Variants in FRMD3 observed in about 807,000 individuals in gnomAD.
FRMD3 encodes the protein FERM domain containing 3, also known as FERM domain-containing protein 3.
FRMD3 carries 33 observed loss-of-function variants against 70.2 expected under a neutral mutation model. That is an observed-to-expected ratio of 0.47 (90% confidence interval 0.36 to 0.63). The LOEUF (loss-of-function observed/expected upper bound fraction) is 0.63. Among genes scored for constraint, FRMD3 ranks in the 20% least tolerant of loss-of-function variants. The pLI, the probability that FRMD3 is intolerant of heterozygous loss-of-function variation, is 0.00. For missense variants in FRMD3, 632 were observed against 711.4 expected, an observed-to-expected ratio of 0.89 and a Z score of 1.27; for synonymous variants, 279 against 255.9, an observed-to-expected ratio of 1.09 and a Z score of -0.86.
At chr9:83,529,707 T>C (rs996479482) in intron 1 of FRMD3, among the ~76,000 whole-genome samples, 1 of 152,098 alleles carries the variant, frequency 6.6e-6, no homozygotes, top group African/African-American at 2.4e-5. Context: ...GTAAAAGATA[T>C]CCCACAGAAT....
chr9:83,522,665 A>G (rs1017652076), intron 1 of FRMD3, among the ~76,000 whole-genome samples: 2 of 150,418 alleles, frequency 1.3e-5, no homozygotes, highest in African/African-American at 4.9e-5. Flanking sequence ...CCAGGTTCAC[A>G]CCATTCTCCT....
intron 13 of FRMD3, among the ~76,000 whole-genome samples, chr9:83,283,974 T>G (rs1025343474): frequency 6.6e-6 from 1 of 151,826 alleles, no homozygotes; most frequent in African/African-American, 2.4e-5. Flanking sequence ...GTATACTGGA[T>G]AACTGCAACT....
chr9:83,281,563 A>G (rs1833971817), intron 13 of FRMD3: 1 of 152,226 alleles, frequency 6.6e-6, no homozygotes, highest in African/African-American at 2.4e-5. Context: ...AACAGGAGGA[A>G]TGATTTGGGA....
intron 3 of FRMD3, among the ~76,000 whole-genome samples, chr9:83,366,141 C>T (rs981738341): frequency 1.3e-5 from 2 of 151,548 alleles, no homozygotes; most frequent in African/African-American, 4.9e-5. Flanking sequence ...CTTATGATGC[C>T]ATTCTGGGGT....
chr9:83,435,287 C>A (rs1827101100), intron 1 of FRMD3, among the ~76,000 whole-genome samples: 1 of 152,048 alleles, frequency 6.6e-6, no homozygotes. Flanking sequence ...ATATCCAGGC[C>A]CACCTGGCAG....
chr9:83,526,084 C>CA (rs1829678192), intron 1 of FRMD3, among the ~76,000 whole-genome samples: 1 of 152,154 alleles, frequency 6.6e-6, no homozygotes. Context: ...ACAGGCACTT[C>CA]AAAATCAACG....
chr9:83,535,448 G>A (rs944682107), intron 1 of FRMD3, among the ~76,000 whole-genome samples: 1 of 152,030 alleles, frequency 6.6e-6, no homozygotes, highest in Admixed American at 6.6e-5. Flanking sequence ...GGCTCCATAG[G>A]CAGCACTCCT....
intron 1 of FRMD3, among the ~76,000 whole-genome samples, chr9:83,532,663 T>G (rs1248797554): frequency 6.6e-6 from 1 of 152,148 alleles, no homozygotes; most frequent in East Asian, 1.9e-4. Context: ...TTCCATTCCT[T>G]CCATAATGGC....
the FRMD3 span, among the ~76,000 whole-genome samples, chr9:83,545,602 C>A: frequency 6.6e-6 from 1 of 151,812 alleles, no homozygotes; most frequent in Non-Finnish European, 1.5e-5. Context: ...CGTGATCTGC[C>A]CCCCTCGGCC....
chr9:83,267,402 A>T lies in FRMD3; in HGVS notation c.1196-18886T>A, dbSNP rs148484672. 779 of 880,706 alleles carry T rather than the reference A, an allele frequency of 8.8e-4. 3 individuals are homozygous for T. Among genetic ancestry groups the T allele is most frequent in the Middle Eastern group, 4.0e-3 (10 of 2,530 alleles). The allele number at this position is 880,706 out of a possible 1,614,324, so 54.6% of individuals were successfully genotyped here. A position where few individuals can be genotyped will look rare whatever the true frequency, so the allele number is the denominator to read the frequency against. Reference sequence around the variant, plus strand: ...ATCATCCCTACTCTAGCCTTTCTAAACCTTCCGGACCAAAACAGAGGACCC... The same window carrying T: ...ATCATCCCTACTCTAGCCTTTCTAATCCTTCCGGACCAAAACAGAGGACCC... On this transcript the variant is annotated intron_variant, in intron 13 of 13. Transcript: ENST00000304195.
chr9:83,452,481 TG>T (rs925064497), intron 1 of FRMD3, among the ~76,000 whole-genome samples: 12 of 138,004 alleles, frequency 8.7e-5, no homozygotes, highest in African/African-American at 1.8e-4. Context: ...TTGTTTTTTT[TG>T]TTGTTGTTGT....
At chr9:83,358,973 A>C (rs1422433858) in intron 3 of FRMD3, among the ~76,000 whole-genome samples, 3 of 152,158 alleles carry the variant, frequency 2.0e-5, no homozygotes, top group Admixed American at 2.0e-4. Context: ...AGCCACAGAG[A>C]GTGCAGGCTG....
intron 1 of FRMD3, among the ~76,000 whole-genome samples, chr9:83,498,009 A>C (rs6559730): frequency 6.6e-6 from 1 of 151,918 alleles, no homozygotes; most frequent in Non-Finnish European, 1.5e-5. Context: ...TTAGCCAGGC[A>C]TGGTGGTGGG....
At chr9:83,298,837 T>G in intron 11 of FRMD3, 21 bp from the exon 12 acceptor site, 1 of 1,609,772 alleles carries the variant, frequency 6.2e-7, no homozygotes, top group Non-Finnish European at 8.5e-7. Flanking sequence ...CAGAAACACA[T>G]GTGTATGCAC....
chr9:83,250,734 T>C (rs764516935), intron 13 of FRMD3, among the ~76,000 whole-genome samples: 1 of 152,216 alleles, frequency 6.6e-6, no homozygotes, highest in South Asian at 2.1e-4. Context: ...CACAGCTGTC[T>C]TGCCAGATTG....
At chr9:83,264,069 T>C (rs746385643) in intron 13 of FRMD3, among the ~76,000 whole-genome samples, 1 of 152,196 alleles carries the variant, frequency 6.6e-6, no homozygotes, top group Non-Finnish European at 1.5e-5. Flanking sequence ...ATGGTAAATG[T>C]ACACATTAAT....
In FRMD3 at chr9:83,309,259, TACACACACACACACACACACAC is replaced by T. The variant is rs3029557; in HGVS notation, c.926+255_926+276del. Among the ~76,000 whole-genome samples the T allele has an allele frequency of 5.1e-5, 7 of 138,308 alleles. No homozygotes were observed. The Admixed American group carries it at 5.1e-4, about 10-fold the overall frequency. The allele number at this position is 138,308 out of a possible 152,430, so 90.7% of individuals were successfully genotyped here. A position where few individuals can be genotyped will look rare whatever the true frequency, so the allele number is the denominator to read the frequency against. Reference sequence around the variant, plus strand: ...ATTTTGTGGAAATAGCTATTTGAAATACACACACACACACACACACACACACACACACACACACACACACAGT... The same window carrying T: ...ATTTTGTGGAAATAGCTATTTGAAATACACACACACACACACACACACAGT... On this transcript the variant is annotated intron_variant, in intron 10 of 13. Coordinates refer to ENST00000304195, the MANE Select transcript of FRMD3 (RefSeq NM_174938.6).
intron 1 of FRMD3, among the ~76,000 whole-genome samples, chr9:83,416,254 C>G (rs987129045): frequency 3.3e-5 from 5 of 152,198 alleles, no homozygotes; most frequent in Admixed American, 3.3e-4. Context: ...CATTGATTTT[C>G]TTAAAAGGTT....
chr9:83,578,163 G>T, the FRMD3 span, among the ~76,000 whole-genome samples: 1 of 151,732 alleles, frequency 6.6e-6, no homozygotes, highest in Non-Finnish European at 1.5e-5. Flanking sequence ...CCAATAATGA[G>T]TAAGGAGCTG....
Sources: allele counts gnomAD v4.1 joint callset (sites outside exome capture counted in the v4.1 genomes callset), GRCh38; gene constraint gnomAD v4.1.1; transcripts MANE v1.5; gene names NCBI Gene and HGNC (gene_info 2026-07-23, HGNC 2026-07-21).